Variants in ZFYVE9 observed in about 807,000 individuals in gnomAD.
ZFYVE9 encodes zinc finger FYVE-type containing 9, also known as zinc finger FYVE domain-containing protein 9.
In ZFYVE9, 43 loss-of-function variants were observed where a neutral mutation model predicts 126.7. That is an observed-to-expected ratio of 0.34 (90% CI 0.27 to 0.44). ZFYVE9 has a LOEUF of 0.44. Among genes scored for constraint, ZFYVE9 ranks in the 20% least tolerant of loss-of-function variants. The pLI, the probability that ZFYVE9 is intolerant of heterozygous loss-of-function variation, is 1.00. For missense variants in ZFYVE9, 1,476 were observed against 1,697.0 expected (o/e 0.87, Z 2.29); for synonymous variants, 521 against 597.4 (o/e 0.87, Z 1.87).
At chr1:52,173,085 T>C (rs1268871805) in intron 1 of ZFYVE9, among the ~76,000 whole-genome samples, 1 of 151,766 alleles carries the variant, frequency 6.6e-6, no homozygotes, top group Non-Finnish European at 1.5e-5. Context: ...GTGCCAGTTT[T>C]CAAAGGGAAT....
At chr1:52,193,393 C>CAA (rs397863555) in intron 1 of ZFYVE9, among the ~76,000 whole-genome samples, 20 of 95,800 alleles carry the variant, frequency 2.1e-4, no homozygotes, top group Admixed American at 2.0e-3. Flanking sequence ...TTGTCAGTAT[C>CAA]AAAAAAAAAA....
intron 2 of ZFYVE9, among the ~76,000 whole-genome samples, chr1:52,225,196 G>A (rs1341314985): frequency 6.6e-6 from 1 of 152,146 alleles, no homozygotes; most frequent in Non-Finnish European, 1.5e-5. Flanking sequence ...GAATTCTTAG[G>A]GATCCTCCCT....
chr1:52,267,155 A>T (rs1452919841), intron 6 of ZFYVE9, among the ~76,000 whole-genome samples: 3 of 152,236 alleles, frequency 2.0e-5, no homozygotes, highest in Non-Finnish European at 2.9e-5. Flanking sequence ...AGCCTACCTC[A>T]TGCCTGTCTT....
chr1:52,188,640 G>T (rs1005379733), intron 1 of ZFYVE9, among the ~76,000 whole-genome samples: 1 of 152,142 alleles, frequency 6.6e-6, no homozygotes, highest in African/African-American at 2.4e-5. Context: ...ATAGGTATGA[G>T]AGGACTGGCT....
chr1:52,265,784 T>C (rs892965684), intron 5 of ZFYVE9, among the ~76,000 whole-genome samples: 1 of 152,240 alleles, frequency 6.6e-6, no homozygotes, highest in Admixed American at 6.5e-5. Context: ...TCCTGAGCTT[T>C]AGGCTTTAGA....
At chr1:52,272,097 C>G (rs1645698474) in intron 7 of ZFYVE9, among the ~76,000 whole-genome samples, 1 of 152,150 alleles carries the variant, frequency 6.6e-6, no homozygotes, top group African/African-American at 2.4e-5. Context: ...CTTGGCCTCT[C>G]AAAGTGCTGG....
chr1:52,311,269 T>G (rs1646134704), intron 13 of ZFYVE9, among the ~76,000 whole-genome samples: 1 of 151,172 alleles, frequency 6.6e-6, no homozygotes, highest in East Asian at 1.9e-4. Flanking sequence ...TGATTTTTTT[T>G]TTTTTTTTTT....
At chr1:52,295,339 G>GGTTTGTTTGTTTGTTTGTTT (rs144066928) in intron 11 of ZFYVE9, among the ~76,000 whole-genome samples, 1 of 149,574 alleles carries the variant, frequency 6.7e-6, no homozygotes, top group Non-Finnish European at 1.5e-5. Context: ...AGACCTTGTG[G>GGTTTGTTTGTTTGTTTGTTT]GTTTGTTTGT....
At chr1:52,269,715 T>C (rs1645670058) in intron 7 of ZFYVE9, among the ~76,000 whole-genome samples, 1 of 152,170 alleles carries the variant, frequency 6.6e-6, no homozygotes. Context: ...GTCTTATCCT[T>C]CTTTGTATCT....
At chr1:52,345,972 C>T (rs1646480170) in intron 18 of ZFYVE9, 88 bp from the exon 19 acceptor site, 2 of 1,368,650 alleles carry the variant, frequency 1.5e-6, no homozygotes, top group South Asian at 3.6e-5. Flanking sequence ...AAAAGGACAT[C>T]TCCTTTCCTG....
At chr1:52,245,379 T>C (rs1377389099) in intron 4 of ZFYVE9, among the ~76,000 whole-genome samples, 2 of 152,008 alleles carry the variant, frequency 1.3e-5, no homozygotes, top group Non-Finnish European at 2.9e-5. Context: ...TGCTCTGCAG[T>C]GGGAAGCAGA....
At chr1:52,236,216 A>G (rs559299737) in intron 3 of ZFYVE9, among the ~76,000 whole-genome samples, 9 of 152,252 alleles carry the variant, frequency 5.9e-5, no homozygotes, top group East Asian at 3.9e-4. Context: ...TGCTTTTACT[A>G]TGGTAGATAT....
Position 52,203,654 on chromosome 1 carries a change from A to G in ZFYVE9, c.-142-12715A>G, listed in dbSNP as rs115274169. Among the ~76,000 whole-genome samples, 238 of 150,596 alleles carry G rather than the reference A, an allele frequency of 1.6e-3. 2 individuals carry two copies. Among genetic ancestry groups the G allele is most frequent in the African/African-American group, 5.3e-3 (218 of 41,050 alleles). On this transcript the variant is annotated intron_variant, in intron 1 of 18. Coordinates refer to ENST00000287727, the MANE Select transcript of ZFYVE9 (RefSeq NM_004799.4). ...ATTTTCAGTCATTTTAGTTACAAGT[A>G]TTTTTTTCTCTTTTCCTTCTGGTAT... is the stretch of plus-strand genomic sequence containing the variant.
chr1:52,217,499 C>G (rs190750501), intron 2 of ZFYVE9, among the ~76,000 whole-genome samples: 1 of 152,048 alleles, frequency 6.6e-6, no homozygotes, highest in Non-Finnish European at 1.5e-5. Context: ...TATCAAGGTG[C>G]GAGAGCTTAT....
chr1:52,296,140 TAC>T (rs548211770), intron 12 of ZFYVE9, among the ~76,000 whole-genome samples, 163 bp downstream of exon 12: 18 of 150,974 alleles, frequency 1.2e-4, no homozygotes, highest in African/African-American at 1.7e-4. Flanking sequence ...TATATATATA[TAC>T]ACACACACAC....
intron 1 of ZFYVE9, among the ~76,000 whole-genome samples, chr1:52,195,205 A>G (rs1430166713): frequency 1.3e-5 from 2 of 152,142 alleles, no homozygotes; most frequent in African/African-American, 2.4e-5. Flanking sequence ...CAGTGAGCAC[A>G]GCTTCTAGCT....
At chr1:52,179,740 C>T (rs945349901) in intron 1 of ZFYVE9, 5 of 393,180 alleles carry the variant, frequency 1.3e-5, no homozygotes, top group Admixed American at 3.9e-5. Flanking sequence ...TTTATAGGAG[C>T]GGAGGAGGAG....
chr1:52,324,995 T>C (rs1403298525), intron 13 of ZFYVE9, among the ~76,000 whole-genome samples: 5 of 152,014 alleles, frequency 3.3e-5, no homozygotes, highest in South Asian at 2.1e-4. Flanking sequence ...AATAAAAGAA[T>C]TAGGCTGGGC....
intron 2 of ZFYVE9, among the ~76,000 whole-genome samples, chr1:52,222,759 A>G (rs1045203851): frequency 1.3e-5 from 2 of 152,182 alleles, no homozygotes; most frequent in Non-Finnish European, 2.9e-5. Context: ...TCCTTTGACC[A>G]TATGTCGGGA....
Sources: gnomAD v4.1 joint callset for allele counts (sites outside exome capture counted in the v4.1 genomes callset) on GRCh38, gnomAD v4.1.1 for gene constraint, MANE v1.5 for transcripts, NCBI Gene and HGNC (gene_info 2026-07-23, HGNC 2026-07-21) for gene names.